Variants in ROBO2 observed in about 807,000 individuals in gnomAD.
The protein encoded by ROBO2 is roundabout homolog 2.
ROBO2 carries 53 observed loss-of-function variants against 160.8 expected under a neutral mutation model. The ratio of observed to expected loss-of-function variants is 0.33; its 90% confidence interval spans 0.26 to 0.41. The LOEUF (loss-of-function observed/expected upper bound fraction) is 0.41. Ranked by LOEUF, ROBO2 falls within the 10% of genes least tolerant of loss-of-function variation. The pLI, the probability that ROBO2 is intolerant of heterozygous loss-of-function variation, is 1.00. For synonymous variants in ROBO2, 664 were observed against 611.7 expected, an observed-to-expected ratio of 1.09 and a Z score of -1.26; for missense variants, 1,577 against 1,722.4, an observed-to-expected ratio of 0.92 and a Z score of 1.49.
Position 76,085,110 on chromosome 3 carries a change from T to TACACAC in ROBO2, c.109+147509_109+147510insCACACA, listed in dbSNP as rs879918403. Among the ~76,000 whole-genome samples, 221 of 144,074 alleles carry TACACAC rather than the reference T, an allele frequency of 1.5e-3. 5 individuals are homozygous for TACACAC. The East Asian group carries it at 0.037, about 24-fold the overall frequency. 94.5% of individuals were successfully genotyped at this position (144,074 alleles called of 152,430 possible). A position where few individuals can be genotyped will look rare whatever the true frequency, so the allele number is the denominator to read the frequency against. Reference sequence around the variant, plus strand: ...ACAAACCCCCCAGTTTACATATATATATATATACACACACACACACACACA... The same window carrying TACACAC: ...ACAAACCCCCCAGTTTACATATATATACACACATATATACACACACACACACACACA... On this transcript the variant is annotated intron_variant, in intron 2 of 26. Coordinates refer to the ROBO2 transcript ENST00000487694.
intron 5 of ROBO2, among the ~76,000 whole-genome samples, chr3:77,515,134 A>G (rs563216708): frequency 6.6e-6 from 1 of 151,842 alleles, no homozygotes; most frequent in African/African-American, 2.4e-5. Context: ...GCTTTTGCAG[A>G]TAGGAGTTAA....
intron 2 of ROBO2, among the ~76,000 whole-genome samples, chr3:76,866,123 C>T (rs1290986228): frequency 6.6e-6 from 1 of 152,002 alleles, no homozygotes; most frequent in Non-Finnish European, 1.5e-5. Context: ...AAGAGAAGTT[C>T]ATGAGTTTTT....
intron 2 of ROBO2, among the ~76,000 whole-genome samples, chr3:76,720,999 AC>A (rs1282659339): frequency 6.6e-6 from 1 of 152,154 alleles, no homozygotes. Flanking sequence ...ATTGGACAAA[AC>A]CCAAGATTTT....
chr3:76,817,815 A>G (rs1167007), intron 2 of ROBO2, among the ~76,000 whole-genome samples: 20,264 of 144,272 alleles, frequency 0.14, 1,563 homozygotes, highest in East Asian at 0.22. Flanking sequence ...TGCAAATGCC[A>G]TTATTTCATT....
intron 2 of ROBO2, among the ~76,000 whole-genome samples, chr3:76,254,680 G>C (rs767801439): frequency 2.0e-5 from 3 of 151,876 alleles, no homozygotes; most frequent in African/African-American, 4.8e-5. Context: ...CTTTACTGTG[G>C]TGGTAGATAC....
At chr3:77,281,885 C>G (rs769115249) in intron 2 of ROBO2, among the ~76,000 whole-genome samples, 4 of 152,118 alleles carry the variant, frequency 2.6e-5, no homozygotes, top group Non-Finnish European at 4.4e-5. Flanking sequence ...CTATGAGAAT[C>G]TAATGCCGCT....
intron 2 of ROBO2, among the ~76,000 whole-genome samples, chr3:77,441,154 C>G (rs1486639204): frequency 1.3e-5 from 2 of 151,954 alleles, no homozygotes; most frequent in Non-Finnish European, 2.9e-5. Context: ...TTGTGCCATT[C>G]GTTGCCCAAC....
chr3:77,644,369 T>C (rs2095390233), intron 24 of ROBO2, among the ~76,000 whole-genome samples: 1 of 152,198 alleles, frequency 6.6e-6, no homozygotes, highest in African/African-American at 2.4e-5. Context: ...CATTGAACTT[T>C]AGAAATTATT....
intron 6 of ROBO2, among the ~76,000 whole-genome samples, chr3:77,537,696 A>G (rs1228079669): frequency 6.6e-6 from 1 of 152,186 alleles, no homozygotes; most frequent in Admixed American, 6.5e-5. Flanking sequence ...TGGGTAATGT[A>G]TAAGGAAAAG....
chr3:77,049,905 A>G (rs1433087705), intron 1 of ROBO2, among the ~76,000 whole-genome samples: 1 of 152,362 alleles, frequency 6.6e-6, no homozygotes, highest in Admixed American at 6.5e-5. Context: ...TAAAATGTTC[A>G]TAAGTGTGAT....
At chr3:77,633,321 T>C (rs1583415799) in intron 23 of ROBO2, 1 of 152,186 alleles carries the variant, frequency 6.6e-6, no homozygotes, top group Non-Finnish European at 1.5e-5. Context: ...TAAGTAATCA[T>C]ATAAAAGAAC....
chr3:77,159,019 C>A (rs1250538971), intron 2 of ROBO2, among the ~76,000 whole-genome samples: 1 of 152,054 alleles, frequency 6.6e-6, no homozygotes, highest in Non-Finnish European at 1.5e-5. Context: ...GTGCTTTGAA[C>A]TCTCTCAAGT....
rs893167725 is a variant in ROBO2, at chr3:76,434,915, C to G, written c.109+497313C>G. 7 of 1,600,582 alleles carry G rather than the reference C, an allele frequency of 4.4e-6. No individual in the cohort carries two copies. The African/African-American group carries it at 6.7e-5, about 15-fold the overall frequency. On this transcript the variant is annotated intron_variant, in intron 2 of 26. Transcript: ENST00000487694. ...CCAAGCCATTCTCTGCACCTAAACCCCAAACCAGCCCATCCCCCAAACCAG... is the reference window on the plus strand; with the variant it reads ...CCAAGCCATTCTCTGCACCTAAACCGCAAACCAGCCCATCCCCCAAACCAG...
Position 76,038,958 on chromosome 3 carries a change from T to G in ROBO2, c.109+101356T>G, listed in dbSNP as rs182971210. On this transcript the variant is annotated intron_variant, in intron 2 of 26. Transcript: ENST00000487694. ...CAAGTCATGCAAGCAGCAATGGAAT[T>G]GGACTGTGTAGAGGAATAAGAGAGG... Among the ~76,000 whole-genome samples the G allele has an allele frequency of 3.3e-5, 5 of 152,088 alleles. No homozygotes were observed. In the East Asian group the frequency reaches 9.7e-4, roughly 29 times the overall value.
chr3:76,460,106 G>C (rs966886020), intron 2 of ROBO2, among the ~76,000 whole-genome samples: 1 of 151,672 alleles, frequency 6.6e-6, no homozygotes, highest in African/African-American at 2.4e-5. Context: ...ATGCTTATTT[G>C]TTCTTGTGAC....
intron 2 of ROBO2, among the ~76,000 whole-genome samples, chr3:77,240,600 TGAGA>T (rs1407801081): frequency 6.6e-6 from 1 of 152,198 alleles, no homozygotes; most frequent in Non-Finnish European, 1.5e-5. Context: ...GAGGAGGCAC[TGAGA>T]GTGAGCAAGG....
intron 21 of ROBO2, 36 bp downstream of exon 22, chr3:77,607,990 GCTCTC>G (rs774930588): frequency 1.2e-6 from 2 of 1,607,450 alleles, no homozygotes; most frequent in Admixed American, 3.3e-5. Flanking sequence ...AATGGCCAGG[GCTCTC>G]CTCTCCTCTC....
At chr3:77,127,426 T>A (rs1349957973) in intron 2 of ROBO2, among the ~76,000 whole-genome samples, 1 of 152,200 alleles carries the variant, frequency 6.6e-6, no homozygotes, top group Non-Finnish European at 1.5e-5. Flanking sequence ...ATTATAGATA[T>A]CTTTCACCAT....
At chr3:76,448,390 G>C (rs953785319) in intron 2 of ROBO2, among the ~76,000 whole-genome samples, 4 of 152,060 alleles carry the variant, frequency 2.6e-5, no homozygotes, top group Non-Finnish European at 5.9e-5. Context: ...TGTTCTCATG[G>C]TTTCCTGGGA....
Sources: gnomAD v4.1 joint callset for allele counts (sites outside exome capture counted in the v4.1 genomes callset) on GRCh38, gnomAD v4.1.1 for gene constraint, MANE v1.5 for transcripts, NCBI Gene and HGNC (gene_info 2026-07-23, HGNC 2026-07-21) for gene names.